The following ARMH4 variants were observed in gnomAD, a reference collection of about 807,000 sequenced individuals.
ARMH4 encodes armadillo like helical domain containing 4, also known as armadillo-like helical domain-containing protein 4.
A neutral mutation model predicts 61.9 loss-of-function variants in ARMH4; 49 were observed. The observed-to-expected ratio is 0.79, with a 90% confidence interval of 0.63 to 1.00. The LOEUF (loss-of-function observed/expected upper bound fraction) is 1.00, where lower values mean the gene tolerates loss of function less well. ARMH4 is among the 50% of genes least tolerant of loss of function. ARMH4 has a pLI of 0.00. For synonymous variants in ARMH4, 368 were observed against 341.5 expected (o/e 1.08, Z -0.85); for missense variants, 934 against 930.0 (o/e 1.00, Z -0.06).
intron 5 of ARMH4, among the ~76,000 whole-genome samples, chr14:58,028,008 C>G (rs1425963159): frequency 6.6e-6 from 1 of 152,192 alleles, no homozygotes; most frequent in Non-Finnish European, 1.5e-5. Context: ...AGGCCAGACT[C>G]TCTTTCCCCT....
chr14:58,036,058 G>A (rs1400393959), intron 5 of ARMH4, among the ~76,000 whole-genome samples: 1 of 124,326 alleles, frequency 8.0e-6, no homozygotes, highest in Admixed American at 7.6e-5. Context: ...TATGAGGCCA[G>A]CATCATTCTG....
intron 5 of ARMH4, among the ~76,000 whole-genome samples, chr14:58,084,032 C>T (rs976373203): frequency 1.5e-4 from 23 of 152,044 alleles, no homozygotes. Context: ...AGTCACTAGA[C>T]CAAGGTTTTA....
intron 5 of ARMH4, among the ~76,000 whole-genome samples, chr14:58,018,941 A>G: frequency 6.6e-6 from 1 of 152,208 alleles, no homozygotes; most frequent in Non-Finnish European, 1.5e-5. Flanking sequence ...TTCAGCCATA[A>G]AAAAGGAATA....
intron 1 of ARMH4, among the ~76,000 whole-genome samples, chr14:58,147,478 C>G (rs977851154): frequency 3.3e-5 from 5 of 152,118 alleles, no homozygotes; most frequent in Non-Finnish European, 7.4e-5. Flanking sequence ...CCACGCCCAG[C>G]TAGTTTGTGT....
intron 4 of ARMH4, among the ~76,000 whole-genome samples, chr14:58,105,076 T>C (rs1403989005): frequency 1.3e-5 from 2 of 152,074 alleles, no homozygotes; most frequent in Non-Finnish European, 2.9e-5. Context: ...ACACCCAAAA[T>C]AAATAATGAT....
chr14:58,131,540 T>C lies in ARMH4; in HGVS notation c.1803A>G (p.Ser601=). 1 of 1,614,232 alleles carries C rather than the reference T, an allele frequency of 6.2e-7. No homozygotes were observed. The highest frequency in any genetic ancestry group is 8.5e-7 in the Non-Finnish European group (1 of 1,180,032). Residue 601 remains serine (S), a synonymous_variant, in exon 4 of 8, where the codon TCA becomes TCG. Coordinates refer to ENST00000267485, the MANE Select transcript of ARMH4 (RefSeq NM_001001872.4). ...PSITRVNTAA[S]YGLDQLESEE... Reference sequence around the variant, plus strand: ...CAGATTCAAGTTGGTCCAGGCCATATGAGGCAGCTGTATTAACACGAGTAA... The same window carrying C: ...CAGATTCAAGTTGGTCCAGGCCATACGAGGCAGCTGTATTAACACGAGTAA...
chr14:58,069,263 T>C (rs115785913), intron 5 of ARMH4, among the ~76,000 whole-genome samples: 2,752 of 152,332 alleles, frequency 0.018, 85 homozygotes, highest in African/African-American at 0.063. Flanking sequence ...CGTTCATTCA[T>C]TTATTTTAGT....
At chr14:58,030,205 T>C (rs1395578950) in intron 5 of ARMH4, among the ~76,000 whole-genome samples, 1 of 152,192 alleles carries the variant, frequency 6.6e-6, no homozygotes, top group African/African-American at 2.4e-5. Flanking sequence ...AGAACTCATA[T>C]TCCATTCACC....
At chr14:58,042,711 G>A (rs1007927653) in intron 5 of ARMH4, among the ~76,000 whole-genome samples, 3 of 151,910 alleles carry the variant, frequency 2.0e-5, no homozygotes, top group African/African-American at 4.8e-5. Context: ...GACTAATAAA[G>A]AATAAAAGAG....
chr14:58,128,850 T>G lies in ARMH4; in HGVS notation c.1831+2662A>C, dbSNP rs115010730. ...GTAGTACCAGTGAATGTGACCATATTTGAAAACAGGGTCTTGGCATACATA... is the reference window on the plus strand; with the variant it reads ...GTAGTACCAGTGAATGTGACCATATGTGAAAACAGGGTCTTGGCATACATA... On this transcript the variant is annotated intron_variant, in intron 4 of 7. Coordinates refer to ENST00000267485, the MANE Select transcript of ARMH4 (RefSeq NM_001001872.4). Among the ~76,000 whole-genome samples the G allele has an allele frequency of 2.0e-3, 307 of 152,300 alleles. 1 individual carries two copies. The highest frequency in any genetic ancestry group is 6.9e-3 in the African/African-American group (285 of 41,566).
chr14:58,025,193 T>A (rs886647455), intron 5 of ARMH4, among the ~76,000 whole-genome samples: 3 of 152,110 alleles, frequency 2.0e-5, no homozygotes, highest in Non-Finnish European at 4.4e-5. Context: ...ATGAACAGAA[T>A]GAGGCATATA....
In ARMH4 at chr14:58,131,562, G is replaced by GT. The variant is rs1484361365; in HGVS notation, c.1780dup (p.Thr594AsnfsTer4). ...ATATGAGGCAGCTGTATTAACACGAGTAATAGATGGAACAACAGTTCTTCT... is the reference window on the plus strand; with the variant it reads ...ATATGAGGCAGCTGTATTAACACGAGTTAATAGATGGAACAACAGTTCTTCT... On this transcript the variant is annotated frameshift_variant, in exon 4 of 8. Transcript: ENST00000267485. LOFTEE classifies it high-confidence loss of function. 1.2e-6 allele frequency: 2 copies of GT among 1,614,080 alleles called. No individual in the cohort carries two copies. Among genetic ancestry groups the GT allele is most frequent in the Non-Finnish European group, 1.7e-6 (2 of 1,180,036 alleles).
intron 4 of ARMH4, among the ~76,000 whole-genome samples, chr14:58,106,029 C>T (rs1886156420): frequency 6.6e-6 from 1 of 152,204 alleles, no homozygotes; most frequent in Non-Finnish European, 1.5e-5. Flanking sequence ...AAGTAACCAT[C>T]TCTCTTGACA....
At chr14:58,102,912 T>C (rs1886048576) in intron 4 of ARMH4, among the ~76,000 whole-genome samples, 2 of 146,638 alleles carry the variant, frequency 1.4e-5, no homozygotes, top group South Asian at 4.5e-4. Context: ...GGCAGGCAGA[T>C]CACCTGAGGT....
intron 5 of ARMH4, among the ~76,000 whole-genome samples, chr14:58,052,742 G>A (rs1016735438): frequency 1.3e-5 from 2 of 152,014 alleles, no homozygotes; most frequent in African/African-American, 4.8e-5. Flanking sequence ...CCATGGCATC[G>A]TTACCATCCA....
intron 4 of ARMH4, among the ~76,000 whole-genome samples, chr14:58,102,410 C>G (rs992401768): frequency 6.6e-6 from 1 of 152,008 alleles, no homozygotes. Context: ...GCAAATGGGA[C>G]CTCGTTTGGT....
At chr14:58,082,555 T>C (rs569529755) in intron 5 of ARMH4, among the ~76,000 whole-genome samples, 1 of 152,312 alleles carries the variant, frequency 6.6e-6, no homozygotes, top group South Asian at 2.1e-4. Context: ...CTCCAAATTC[T>C]AGCCTCTCAA....
chr14:58,062,922 C>T (rs969638245), intron 5 of ARMH4, among the ~76,000 whole-genome samples: 4 of 152,194 alleles, frequency 2.6e-5, no homozygotes, highest in Non-Finnish European at 5.9e-5. Flanking sequence ...AAAGAGCAGT[C>T]ACTCAAGGGG....
intron 5 of ARMH4, among the ~76,000 whole-genome samples, chr14:58,012,573 G>T (rs980348670): frequency 6.6e-6 from 1 of 152,176 alleles, no homozygotes; most frequent in Non-Finnish European, 1.5e-5. Flanking sequence ...GATTAAGGGA[G>T]GAAGGGAAAA....
Sources: gnomAD v4.1 joint callset for allele counts (sites outside exome capture counted in the v4.1 genomes callset) on GRCh38, gnomAD v4.1.1 for gene constraint, MANE v1.5 for transcripts, NCBI Gene and HGNC (gene_info 2026-07-23, HGNC 2026-07-21) for gene names.